ADAM22: variants seen among roughly 807,000 people sequenced by gnomAD.
ADAM22 encodes the protein disintegrin and metalloproteinase domain-containing protein 22.
Under a neutral mutation model 144.6 loss-of-function variants are expected in ADAM22, and 65 were observed. The observed-to-expected ratio is 0.45, with a 90% CI of 0.37 to 0.55. ADAM22 has a LOEUF of 0.55. ADAM22 is among the 20% of genes least tolerant of loss of function. ADAM22 has a pLI of 0.00. For missense variants in ADAM22, 974 were observed against 1,184.9 expected (o/e 0.82, Z 2.61); for synonymous variants, 391 against 412.6 (o/e 0.95, Z 0.63).
At chr7:87,953,172 G>A (rs558520607) in intron 2 of ADAM22, among the ~76,000 whole-genome samples, 2 of 150,080 alleles carry the variant, frequency 1.3e-5, no homozygotes, top group South Asian at 4.2e-4. Flanking sequence ...GTTATTTCTT[G>A]CCTTCTGCTA....
At position 87,978,389 on chromosome 7, in the gene ADAM22, C is replaced by G; in HGVS notation, c.300C>G (p.Phe100Leu). ...SFQVDAFGTSFILDVVLNHDL... is the reference protein window; with the variant it reads ...SFQVDAFGTSLILDVVLNHDL... Reference sequence around the variant, plus strand: ...AGGTTGATGCCTTTGGAACGTCATTCATTCTCGATGTCGTGCTAAATCAGT... The same window carrying G: ...AGGTTGATGCCTTTGGAACGTCATTGATTCTCGATGTCGTGCTAAATCAGT... The change falls in exon 3 of 32, where the codon TTC (phenylalanine) becomes TTG (leucine). Residue 100 changes from phenylalanine (F) to leucine (L), a missense_variant. This residue lies in a region of ADAM22 where 240 missense variants were observed against 234.3 expected (regional missense o/e 1.02). Coordinates refer to ENST00000413139, the MANE Select transcript of ADAM22 (RefSeq NM_001324418.2). The G allele has an allele frequency of 2.5e-6, 4 of 1,613,652 alleles. No homozygotes were observed. Among genetic ancestry groups the G allele is most frequent in the Non-Finnish European group, 3.4e-6 (4 of 1,179,776 alleles).
chr7:88,017,733 G>T (rs552782997), intron 3 of ADAM22, among the ~76,000 whole-genome samples: 152 of 151,386 alleles, frequency 1.0e-3, no homozygotes, highest in South Asian at 3.8e-3. Flanking sequence ...TTAATTTCTA[G>T]CTTTTCCTTT....
chr7:87,980,574 G>C (rs1473905272), intron 3 of ADAM22, among the ~76,000 whole-genome samples: 1 of 151,990 alleles, frequency 6.6e-6, no homozygotes, highest in East Asian at 1.9e-4. Flanking sequence ...CATGTAGCTA[G>C]CTTCTGGTTG....
At chr7:88,167,259 G>C (rs1196209402) in intron 24 of ADAM22, among the ~76,000 whole-genome samples, 1 of 152,100 alleles carries the variant, frequency 6.6e-6, no homozygotes, top group Non-Finnish European at 1.5e-5. Context: ...AGCAAAACAG[G>C]CCTTCTGGTG....
Position 87,976,912 on chromosome 7 carries a change from T to C in ADAM22, c.247-1424T>C, listed in dbSNP as rs567568409. On this transcript the variant is annotated intron_variant, in intron 2 of 31. Transcript: ENST00000413139. Reference sequence around the variant, plus strand: ...ACAGTAGAAAATCTAGGGCTTACATTTGGGGTTTTGATAAGGAGCCAACTT... The same window carrying C: ...ACAGTAGAAAATCTAGGGCTTACATCTGGGGTTTTGATAAGGAGCCAACTT... 4.6e-5 allele frequency among the ~76,000 whole-genome samples: 7 copies of C among 151,720 alleles called. No homozygotes were observed. The South Asian group carries it at 1.5e-3, about 32-fold the overall frequency.
At chr7:88,013,200 C>G (rs966465573) in intron 3 of ADAM22, among the ~76,000 whole-genome samples, 1 of 152,196 alleles carries the variant, frequency 6.6e-6, no homozygotes, top group Non-Finnish European at 1.5e-5. Context: ...ATAAACTGAT[C>G]TTAGCTATTA....
intron 3 of ADAM22, among the ~76,000 whole-genome samples, chr7:88,023,607 A>G (rs1164290580): frequency 6.6e-6 from 1 of 151,992 alleles, no homozygotes; most frequent in Admixed American, 6.5e-5. Context: ...TTTAGTAGAG[A>G]CTGGGTTTTG....
intron 4 of ADAM22, among the ~76,000 whole-genome samples, chr7:88,094,447 G>A (rs950964492): frequency 2.0e-5 from 3 of 152,208 alleles, no homozygotes; most frequent in African/African-American, 7.2e-5. Flanking sequence ...ACCAGAGAAG[G>A]TGGACAGAAT....
chr7:88,005,004 T>C (rs1793450294), intron 3 of ADAM22, among the ~76,000 whole-genome samples: 1 of 152,146 alleles, frequency 6.6e-6, no homozygotes, highest in Non-Finnish European at 1.5e-5. Flanking sequence ...TATAAAACGC[T>C]AAGTGTGCTG....
At chr7:87,982,062 T>TACACACAC (rs1255207602) in intron 3 of ADAM22, among the ~76,000 whole-genome samples, 16 of 108,848 alleles carry the variant, frequency 1.5e-4, no homozygotes, top group African/African-American at 4.6e-4. Context: ...TATATATATA[T>TACACACAC]ATATATACAC....
intron 3 of ADAM22, among the ~76,000 whole-genome samples, chr7:87,982,109 A>ACACACG (rs67940577): frequency 8.8e-6 from 1 of 113,748 alleles, no homozygotes; most frequent in Admixed American, 8.8e-5. Context: ...ACACACACAC[A>ACACACG]TGCATACACA....
chr7:88,012,673 T>C (rs1387589274), intron 3 of ADAM22, among the ~76,000 whole-genome samples: 1 of 152,176 alleles, frequency 6.6e-6, no homozygotes, highest in Non-Finnish European at 1.5e-5. Flanking sequence ...TAGAGCCCTG[T>C]TCATGTGCTG....
intron 2 of ADAM22, among the ~76,000 whole-genome samples, chr7:87,948,862 C>T (rs948618840): frequency 6.6e-6 from 1 of 152,184 alleles, no homozygotes; most frequent in Admixed American, 6.5e-5. Context: ...TTCATATTCA[C>T]TATTGTTTGT....
chr7:88,025,843 T>A (rs762665103), intron 3 of ADAM22, among the ~76,000 whole-genome samples: 1 of 152,212 alleles, frequency 6.6e-6, no homozygotes, highest in Non-Finnish European at 1.5e-5. Flanking sequence ...TAATTTTGGC[T>A]ATTCAGGGTC....
intron 30 of ADAM22, among the ~76,000 whole-genome samples, chr7:88,190,030 ACTTGTGTCC>A: frequency 6.6e-6 from 1 of 152,298 alleles, no homozygotes; most frequent in Admixed American, 6.5e-5. Flanking sequence ...TAAGAGGTGG[ACTTGTGTCC>A]CTCTCCATGT....
At chr7:88,188,743 A>G (rs1734609364) in intron 30 of ADAM22, among the ~76,000 whole-genome samples, 1 of 152,234 alleles carries the variant, frequency 6.6e-6, no homozygotes, top group Non-Finnish European at 1.5e-5. Flanking sequence ...CCCAAAGTGC[A>G]TCCACACCTT....
intron 1 of ADAM22, 73 bp from the exon 2 acceptor site, chr7:87,934,953 G>A: frequency 1.3e-6 from 2 of 1,594,970 alleles, no homozygotes; most frequent in Non-Finnish European, 1.7e-6. Context: ...ACTGCAGGAT[G>A]GAGGAGTGAG....
At chr7:88,131,788 T>C in intron 11 of ADAM22, 1 of 248,744 alleles carries the variant, frequency 4.0e-6, no homozygotes, top group East Asian at 7.6e-5. Context: ...CTGTTTTTGG[T>C]TCTAAGATGA....
chr7:88,178,278 C>T (rs1398477553), intron 26 of ADAM22, among the ~76,000 whole-genome samples: 5 of 152,088 alleles, frequency 3.3e-5, no homozygotes. Flanking sequence ...TTATTTTTTT[C>T]AACCTTTTCT....
Sources: allele counts gnomAD v4.1 joint callset (sites outside exome capture counted in the v4.1 genomes callset), GRCh38; gene constraint gnomAD v4.1.1; regional missense constraint gnomAD v4.1.1; transcripts MANE v1.5; gene names NCBI Gene and HGNC (gene_info 2026-07-23, HGNC 2026-07-21).